The following HDAC9 variants were observed in gnomAD, a reference collection of about 807,000 sequenced individuals.
HDAC9 encodes MEF-2 interacting transcription repressor (MITR) protein.
A neutral mutation model predicts 139.4 loss-of-function variants in HDAC9; 41 were observed. That is an observed-to-expected ratio of 0.29 (90% CI 0.23 to 0.38). The LOEUF (loss-of-function observed/expected upper bound fraction) is 0.38. Among genes scored for constraint, HDAC9 ranks in the 10% least tolerant of loss-of-function variants. HDAC9 has a pLI of 1.00. For missense variants in HDAC9, 1,147 were observed against 1,297.0 expected, an observed-to-expected ratio of 0.88 and a Z score of 1.78; for synonymous variants, 517 against 476.2, an observed-to-expected ratio of 1.09 and a Z score of -1.12.
At chr7:18,336,703 A>G (rs1781611716) in intron 1 of HDAC9, among the ~76,000 whole-genome samples, 1 of 151,638 alleles carries the variant, frequency 6.6e-6, no homozygotes, top group Admixed American at 6.6e-5. Context: ...GTTTTATAAG[A>G]TGACAAGCTA....
Position 18,823,029 on chromosome 7 carries a change from A to T in HDAC9, c.2323-6132A>T, listed in dbSNP as rs114113435. On this transcript the variant is annotated intron_variant, in intron 17 of 25. Transcript: ENST00000686413. The stretch of plus-strand genomic sequence containing the variant: ...AAGACTTAATATGTTTTTTATTCTG[A>T]TGGAAATAACCCAATAAAAGAAAAC... 8.1e-3 allele frequency among the ~76,000 whole-genome samples: 1,237 copies of T among 152,176 alleles called. 17 individuals are homozygous for T. The highest frequency in any genetic ancestry group is 0.027 in the African/African-American group (1,123 of 41,492).
chr7:18,562,447 C>T (rs572886990), intron 2 of HDAC9, among the ~76,000 whole-genome samples: 2 of 152,228 alleles, frequency 1.3e-5, no homozygotes, highest in South Asian at 2.1e-4. Flanking sequence ...CATTTTAATA[C>T]GTGATCCATT....
intron 17 of HDAC9, among the ~76,000 whole-genome samples, chr7:18,817,323 C>A (rs867966149): frequency 7.2e-5 from 11 of 151,964 alleles, no homozygotes; most frequent in Admixed American, 7.2e-4. Context: ...CGTGAGCCAC[C>A]GCGCCCGGCC....
chr7:18,937,711 C>T (rs912836120), intron 23 of HDAC9, among the ~76,000 whole-genome samples: 1 of 152,074 alleles, frequency 6.6e-6, no homozygotes, highest in Non-Finnish European at 1.5e-5. Flanking sequence ...AAGGCTTACA[C>T]CAGATGTGCA....
chr7:18,744,057 C>A (rs1246296217), intron 13 of HDAC9, among the ~76,000 whole-genome samples: 1 of 127,834 alleles, frequency 7.8e-6, no homozygotes, highest in East Asian at 2.9e-4. Flanking sequence ...GCTCTTGTTA[C>A]CCAGGCTGGA....
intron 2 of HDAC9, among the ~76,000 whole-genome samples, chr7:18,510,186 A>G (rs913517894): frequency 6.6e-6 from 1 of 152,172 alleles, no homozygotes; most frequent in African/African-American, 2.4e-5. Flanking sequence ...TGCTTTAACA[A>G]TGTGTGTATG....
At chr7:18,654,976 A>G (rs962195858) in intron 11 of HDAC9, among the ~76,000 whole-genome samples, 2 of 152,154 alleles carry the variant, frequency 1.3e-5, no homozygotes, top group African/African-American at 4.8e-5. Flanking sequence ...CCTTTCTCGC[A>G]TGTTGTCACA....
intron 2 of HDAC9, among the ~76,000 whole-genome samples, chr7:18,517,423 T>C (rs772306454): frequency 6.6e-6 from 1 of 152,332 alleles, no homozygotes; most frequent in South Asian, 2.1e-4. Flanking sequence ...TGTTTGGGAA[T>C]GAACGAACTA....
intron 1 of HDAC9, among the ~76,000 whole-genome samples, chr7:18,374,144 T>C (rs899129195): frequency 6.6e-6 from 1 of 151,508 alleles, no homozygotes; most frequent in Non-Finnish European, 1.5e-5. Flanking sequence ...CTTAACCGTA[T>C]CATATATACT....
intron 22 of HDAC9, among the ~76,000 whole-genome samples, chr7:18,933,471 T>C (rs1411903121): frequency 6.6e-6 from 1 of 152,074 alleles, no homozygotes; most frequent in East Asian, 1.9e-4. Context: ...CTCTACATAA[T>C]TATCAAAGGC....
At chr7:18,829,238 C>G (rs774790632) in intron 18 of HDAC9, 22 bp downstream of exon 18, 4 of 1,592,896 alleles carry the variant, frequency 2.5e-6, no homozygotes, top group Non-Finnish European at 3.4e-6. Context: ...GGACTGTTGC[C>G]CATCTCCAAG....
intron 1 of HDAC9, among the ~76,000 whole-genome samples, chr7:18,433,092 G>A (rs560310454): frequency 1.4e-4 from 22 of 151,988 alleles, no homozygotes; most frequent in Non-Finnish European, 2.5e-4. Context: ...GCTTTAATAT[G>A]CTCAAATCAA....
chr7:18,366,772 C>T, intron 1 of HDAC9, among the ~76,000 whole-genome samples: 1 of 152,096 alleles, frequency 6.6e-6, no homozygotes, highest in Admixed American at 6.6e-5. Flanking sequence ...AGCTATTCAC[C>T]TGGCTCATAT....
intron 1 of HDAC9, among the ~76,000 whole-genome samples, chr7:18,426,267 T>TCTGAA (rs1287538932): frequency 6.6e-6 from 1 of 152,244 alleles, no homozygotes; most frequent in Non-Finnish European, 1.5e-5. Context: ...AAGCAGCTGC[T>TCTGAA]ATGCAAGTCA....
intron 2 of HDAC9, among the ~76,000 whole-genome samples, chr7:18,555,049 TG>T (rs1466413957): frequency 3.9e-5 from 6 of 152,232 alleles, no homozygotes; most frequent in Non-Finnish European, 8.8e-5. Context: ...GTATAGTTGA[TG>T]AAAACATATA....
At chr7:18,308,847 C>G (rs1799103166) in intron 1 of HDAC9, among the ~76,000 whole-genome samples, 1 of 152,124 alleles carries the variant, frequency 6.6e-6, no homozygotes, top group Admixed American at 6.6e-5. Flanking sequence ...AATACTAAGA[C>G]AGGAAGATAG....
At position 18,938,176 on chromosome 7, in the gene HDAC9, A is replaced by T. The variant is rs1169053840; in HGVS notation, c.2937+2234A>T. Reference sequence around the variant, plus strand: ...TAGTGACTTTAAAATTGATGGCATGAGCCGAGATCCCGCCACTGCACTCCA... The same window carrying T: ...TAGTGACTTTAAAATTGATGGCATGTGCCGAGATCCCGCCACTGCACTCCA... On this transcript the variant is annotated intron_variant, in intron 23 of 25. Coordinates refer to ENST00000686413, the MANE Select transcript of HDAC9 (RefSeq NM_178425.4). 2.1e-5 allele frequency among the ~76,000 whole-genome samples: 3 copies of T among 143,016 alleles called. No individual in the cohort carries two copies. The East Asian group carries it at 6.4e-4, about 30-fold the overall frequency. The allele number at this position is 143,016 out of a possible 152,430, so 93.8% of individuals were successfully genotyped here.
At chr7:18,360,297 G>A (rs2128687991) in intron 1 of HDAC9, among the ~76,000 whole-genome samples, 1 of 152,298 alleles carries the variant, frequency 6.6e-6, no homozygotes, top group Middle Eastern at 3.4e-3. Flanking sequence ...TTACATAAGT[G>A]AAATGTTCAA....
At chr7:18,418,882 C>T (rs995438962) in intron 1 of HDAC9, among the ~76,000 whole-genome samples, 8 of 151,982 alleles carry the variant, frequency 5.3e-5, no homozygotes, top group Non-Finnish European at 1.0e-4. Flanking sequence ...TGTTTGTATA[C>T]GCTCAAATAC....
Sources: gnomAD v4.1 joint callset for allele counts (sites outside exome capture counted in the v4.1 genomes callset) on GRCh38, gnomAD v4.1.1 for gene constraint, MANE v1.5 for transcripts, NCBI Gene and HGNC (gene_info 2026-07-23, HGNC 2026-07-21) for gene names.